RDX: variants seen among roughly 807,000 people sequenced by gnomAD.
The protein encoded by RDX is deafness, autosomal recessive 24.
A neutral mutation model predicts 83.7 loss-of-function variants in RDX; 32 were observed. The ratio of observed to expected loss-of-function variants is 0.38; its 90% CI spans 0.29 to 0.51. RDX has a LOEUF of 0.51. Ranked by LOEUF, RDX falls within the 20% of genes least tolerant of loss-of-function variation. RDX has a pLI of 0.87. For synonymous variants in RDX, 229 were observed against 222.7 expected (o/e 1.03, Z -0.25); for missense variants, 600 against 689.9 (o/e 0.87, Z 1.46).
chr11:110,248,905 C>A (rs1289988451), intron 9 of RDX, among the ~76,000 whole-genome samples: 1 of 152,188 alleles, frequency 6.6e-6, no homozygotes, highest in Non-Finnish European at 1.5e-5. Flanking sequence ...CACCTCCCTT[C>A]ACAATTCCAT....
rs1278708385 is a variant in RDX, at chr11:110,296,542, A to T, written c.-140T>A. 2.0e-5 allele frequency: 3 copies of T among 151,376 alleles called. No homozygotes were observed. In the East Asian group the frequency reaches 5.8e-4, roughly 29 times the overall value. The allele number at this position is 151,376 out of a possible 1,614,324, so 9.4% of individuals were successfully genotyped here. ...GGCGGCGCGGCTGCGACAGGGAGGG[A>T]GAAGCGGTGGTGCGAGCGCTGGCCC... On this transcript the variant is annotated 5_prime_UTR_variant, in exon 1 of 14. Coordinates refer to ENST00000645495, the MANE Select transcript of RDX (RefSeq NM_002906.4).
intron 11 of RDX, 133 bp downstream of exon 11, chr11:110,237,359 G>T: frequency 2.6e-6 from 2 of 778,370 alleles, no homozygotes; most frequent in Non-Finnish European, 2.0e-6. Context: ...TCTACATTTT[G>T]TTATTAAGTT....
chr11:110,234,239 T>A (rs977505125), intron 12 of RDX, among the ~76,000 whole-genome samples: 1 of 152,162 alleles, frequency 6.6e-6, no homozygotes, highest in Non-Finnish European at 1.5e-5. Context: ...ATAAGGTCAA[T>A]GACACAAGGA....
At chr11:110,254,166 C>CA (rs1424228519) in intron 8 of RDX, 57 bp from the exon 9 acceptor site, 2 of 1,424,186 alleles carry the variant, frequency 1.4e-6, no homozygotes, top group Non-Finnish European at 2.0e-6. Context: ...TCTCTCATAA[C>CA]AATCTGTACT....
Position 110,265,109 on chromosome 11 carries a change from G to GTT in RDX, c.97-237_97-236dup, listed in dbSNP as rs71053876. Among the ~76,000 whole-genome samples the GTT allele has an allele frequency of 5.8e-3, 523 of 90,638 alleles. 3 individuals are homozygous for GTT. The highest frequency in any genetic ancestry group is 7.4e-3 in the Non-Finnish European group (340 of 46,100). 59.5% of individuals were successfully genotyped at this position (90,638 alleles called of 152,430 possible). A position where few individuals can be genotyped will look rare whatever the true frequency, so the allele number is the denominator to read the frequency against. ...TTTTTGAAAAGAAGTTTTTTTTTTT[G>GTT]TTTTTTTTTTTTTTGTTCTTGTCAC... On this transcript the variant is annotated intron_variant, in intron 3 of 13. Coordinates refer to ENST00000645495, the MANE Select transcript of RDX (RefSeq NM_002906.4).
intron 15 of RDX, among the ~76,000 whole-genome samples, chr11:110,189,243 TAAAAAAA>T (rs35450797): frequency 0.094 from 3,357 of 35,816 alleles, 232 homozygotes; most frequent in African/African-American, 0.24. Flanking sequence ...GAACAACAGG[TAAAAAAA>T]AAAAAAAAAA....
intron 15 of RDX, among the ~76,000 whole-genome samples, chr11:110,198,530 G>T (rs1005605259): frequency 1.3e-5 from 2 of 152,176 alleles, no homozygotes; most frequent in South Asian, 2.1e-4. Context: ...CCTGAGCGCC[G>T]CCTCTTGTCA....
chr11:110,291,231 G>A (rs1360015117), intron 1 of RDX, among the ~76,000 whole-genome samples: 1 of 152,084 alleles, frequency 6.6e-6, no homozygotes, highest in Non-Finnish European at 1.5e-5. Context: ...AGGCTGAGGT[G>A]GGAGGACTGC....
At chr11:110,229,182 T>C (rs1864531810), downstream of RDX, among the ~76,000 whole-genome samples, 1 of 151,904 alleles carries the variant, frequency 6.6e-6, no homozygotes, top group Non-Finnish European at 1.5e-5. Flanking sequence ...CACTATACAA[T>C]AAAGGCAATG....
At chr11:110,203,153 G>T (rs988256578) in intron 14 of RDX, among the ~76,000 whole-genome samples, 1 of 152,132 alleles carries the variant, frequency 6.6e-6, no homozygotes, top group African/African-American at 2.4e-5. Flanking sequence ...TGTGGTACTT[G>T]CATACAATGG....
chr11:110,175,828 C>T (rs1175644836), intron 15 of RDX, among the ~76,000 whole-genome samples: 1 of 152,200 alleles, frequency 6.6e-6, no homozygotes, highest in Non-Finnish European at 1.5e-5. Flanking sequence ...TATGGGTTTG[C>T]TCTGTATGTT....
At chr11:110,261,468 C>T (rs572655856) in intron 5 of RDX, among the ~76,000 whole-genome samples, 56 of 152,266 alleles carry the variant, frequency 3.7e-4, no homozygotes, top group Non-Finnish European at 6.9e-4. Flanking sequence ...GTATCAGAAT[C>T]ACTAAATTAT....
intron 10 of RDX, among the ~76,000 whole-genome samples, chr11:110,244,470 A>G (rs1171306789): frequency 6.6e-6 from 1 of 151,940 alleles, no homozygotes; most frequent in Non-Finnish European, 1.5e-5. Flanking sequence ...GTCACAAAAG[A>G]CCACATTTTG....
intron 14 of RDX, among the ~76,000 whole-genome samples, chr11:110,204,663 C>A (rs978020970): frequency 6.6e-6 from 1 of 151,900 alleles, no homozygotes; most frequent in Admixed American, 6.6e-5. Flanking sequence ...ATTACAGGCA[C>A]ACGCCACCAT....
intron 15 of RDX, among the ~76,000 whole-genome samples, chr11:110,175,855 G>C (rs1038982748): frequency 2.6e-5 from 4 of 152,178 alleles, no homozygotes; most frequent in African/African-American, 9.6e-5. Context: ...TTAAGACAAG[G>C]ACAAAGCACA....
chr11:110,273,436 T>C (rs992289690), intron 2 of RDX, among the ~76,000 whole-genome samples: 11 of 152,244 alleles, frequency 7.2e-5, no homozygotes, highest in Non-Finnish European at 1.3e-4. Flanking sequence ...GGTCTCACTA[T>C]GTTGTGCTCA....
At chr11:110,215,070 A>ATATAT in intron 14 of RDX, among the ~76,000 whole-genome samples, 1 of 146,192 alleles carries the variant, frequency 6.8e-6, no homozygotes, top group South Asian at 2.1e-4. Context: ...ATATATATAT[A>ATATAT]ATGCTTTCGG....
intron 3 of RDX, among the ~76,000 whole-genome samples, chr11:110,268,111 C>G (rs191208281): frequency 2.2e-4 from 33 of 151,962 alleles, no homozygotes; most frequent in Admixed American, 2.0e-3. Context: ...AGTTCAAAAC[C>G]AGCCTGGCCA....
chr11:110,229,583 A>AT lies in RDX; in HGVS notation c.*2285dup. 1 of 152,490 alleles carries AT rather than the reference A, an allele frequency of 6.6e-6. No individual in the cohort carries two copies. The highest frequency in any genetic ancestry group is 6.5e-5 in the Admixed American group (1 of 15,268). 9.4% of individuals were successfully genotyped at this position (152,490 alleles called of 1,614,324 possible). A position where few individuals can be genotyped will look rare whatever the true frequency, so the allele number is the denominator to read the frequency against. Reference sequence around the variant, plus strand: ...GGATTTACCAAATACTCATTAGTGTATTTTTACATTGACTATATGAACATG... The same window carrying AT: ...GGATTTACCAAATACTCATTAGTGTATTTTTTACATTGACTATATGAACATG... On this transcript the variant is annotated 3_prime_UTR_variant, in exon 14 of 14. Coordinates refer to ENST00000645495, the MANE Select transcript of RDX (RefSeq NM_002906.4).
Sources: allele counts gnomAD v4.1 joint callset (sites outside exome capture counted in the v4.1 genomes callset), GRCh38; gene constraint gnomAD v4.1.1; transcripts MANE v1.5; gene names NCBI Gene and HGNC (gene_info 2026-07-23, HGNC 2026-07-21).